Variants in TNN observed in about 807,000 individuals in gnomAD.
The protein encoded by TNN is tenascin-N.
TNN carries 122 observed loss-of-function variants against 134.4 expected under a neutral mutation model. The ratio of observed to expected loss-of-function variants is 0.91; its 90% CI spans 0.78 to 1.06. TNN has a LOEUF of 1.06. Ranked by LOEUF, TNN falls within the 50% of genes least tolerant of loss-of-function variation. The probability of loss-of-function intolerance (pLI) is 0.00; values close to 1 mark genes in which losing one functional copy is unlikely to be tolerated. For missense variants in TNN, 1,739 were observed against 1,699.4 expected, an observed-to-expected ratio of 1.02 and a Z score of -0.41; for synonymous variants, 710 against 670.3, an observed-to-expected ratio of 1.06 and a Z score of -0.91.
chr1:175,097,831 G>A (rs61827435), intron 8 of TNN, 148 bp downstream of exon 8: 87,585 of 1,146,500 alleles, frequency 0.076, 4,091 homozygotes, highest in Non-Finnish European at 0.093. Context: ...TGGTGATGGC[G>A]GTGGGCTGCT....
intron 12 of TNN, among the ~76,000 whole-genome samples, chr1:175,125,701 CTCTCTTTCTTTCTTTCTT>C (rs796642499): frequency 0.051 from 5,232 of 102,218 alleles, 299 homozygotes; most frequent in African/African-American, 0.092. Context: ...TCTCTTTTTT[CTCTCTTTCTTTCTTTCTT>C]TCTTTCTTTC....
chr1:175,077,579 C>T lies in TNN; in HGVS notation c.161C>T (p.Ala54Val), dbSNP rs140159046. The T allele has an allele frequency of 2.8e-5, 45 of 1,614,236 alleles. No homozygotes were observed. Among genetic ancestry groups the T allele is most frequent in the Non-Finnish European group, 3.5e-5 (41 of 1,180,048 alleles). Reference protein sequence around the residue: ...HTYKIDVPKSALVQVDADPQP... With the variant: ...HTYKIDVPKSVLVQVDADPQP... ...TACAAGATCGATGTGCCCAAGTCTG[C>T]CTTGGTTCAGGTTGACGCTGACCCT... The change falls in exon 2 of 19, where the codon GCC becomes GTC. Residue 54 changes from alanine (A) to valine (V), a missense_variant. Transcript: ENST00000239462.
intron 12 of TNN, among the ~76,000 whole-genome samples, chr1:175,125,909 C>G (rs1157336291): frequency 2.8e-5 from 4 of 144,056 alleles, no homozygotes; most frequent in African/African-American, 1.0e-4. Context: ...CTCTCCCGCT[C>G]TCTCTCTCTT....
At chr1:175,126,621 T>C (rs1301911045) in intron 12 of TNN, among the ~76,000 whole-genome samples, 1 of 152,078 alleles carries the variant, frequency 6.6e-6, no homozygotes, top group Non-Finnish European at 1.5e-5. Flanking sequence ...TCCACATCCT[T>C]TTGGGAGCCC....
chr1:175,099,518 T>G (rs142155586), intron 9 of TNN, among the ~76,000 whole-genome samples: 3 of 140,154 alleles, frequency 2.1e-5, no homozygotes, highest in Non-Finnish European at 3.1e-5. Context: ...AAGTGAGGGG[T>G]TGGGAAGAGG....
rs1011826195 is a variant in TNN at position 175,147,497 on chromosome 1, T to A, written c.*426T>A. Reference sequence around the variant, plus strand: ...GTTCTGATGACCCAGGGGTTAGGGCTGAGACAACCGGACGTTTGTCACCTC... The same window carrying A: ...GTTCTGATGACCCAGGGGTTAGGGCAGAGACAACCGGACGTTTGTCACCTC... On this transcript the variant is annotated 3_prime_UTR_variant, in exon 19 of 19. Transcript: ENST00000239462. The A allele has an allele frequency of 2.6e-5, 4 of 154,478 alleles. No homozygotes were observed. The highest frequency in any genetic ancestry group is 9.6e-5 in the African/African-American group (4 of 41,548). The allele number at this position is 154,478 out of a possible 1,614,324, so 9.6% of individuals were successfully genotyped here.
chr1:175,128,303 G>A (rs1359513653), intron 14 of TNN, 139 bp downstream of exon 14: 1 of 884,326 alleles, frequency 1.1e-6, no homozygotes, highest in Non-Finnish European at 1.7e-6. Flanking sequence ...ATGGGGTTGT[G>A]TGTTCAAAAG....
intron 7 of TNN, among the ~76,000 whole-genome samples, chr1:175,095,412 T>G (rs557236823): frequency 6.6e-6 from 1 of 152,340 alleles, no homozygotes; most frequent in African/African-American, 2.4e-5. Flanking sequence ...GGTGTGACTG[T>G]GTTCCGATAA....
At chr1:175,132,457 A>T (rs1311132705) in intron 15 of TNN, among the ~76,000 whole-genome samples, 2 of 152,246 alleles carry the variant, frequency 1.3e-5, no homozygotes, top group African/African-American at 4.8e-5. Context: ...GAGGGAAGCC[A>T]AGAAGGAAAT....
At chr1:175,098,771 T>C (rs894483745) in intron 9 of TNN, among the ~76,000 whole-genome samples, 176 bp downstream of exon 9, 1 of 152,182 alleles carries the variant, frequency 6.6e-6, no homozygotes, top group Admixed American at 6.5e-5. Context: ...AATGCCTAAG[T>C]GGTGGTCTCC....
In TNN at chr1:175,146,935, T is replaced by C. The variant is rs777263872; in HGVS notation, c.3764T>C (p.Val1255Ala). Residue 1255 changes from valine to alanine, a missense_variant, in exon 19 of 19, where the codon GTG (valine) becomes GCG (alanine). Coordinates refer to ENST00000239462, the MANE Select transcript of TNN (RefSeq NM_022093.2). ...RYGETKHSEG[V>A]NWEPWKGHEF... ...CTTTTTTTTTTTTTTTGGTAGGGGG[T>C]GAACTGGGAGCCTTGGAAAGGACAT... is the stretch of plus-strand genomic sequence containing the variant. 1.5e-6 allele frequency: 2 copies of C among 1,357,982 alleles called. No individual in the cohort carries two copies. The highest frequency in any genetic ancestry group is 2.7e-5 in the East Asian group (1 of 37,214). 84.1% of individuals were successfully genotyped at this position (1,357,982 alleles called of 1,614,324 possible). A position where few individuals can be genotyped will look rare whatever the true frequency, so the allele number is the denominator to read the frequency against.
At position 175,121,853 on chromosome 1, in the gene TNN, CT is replaced by C. The variant is rs1275802918; in HGVS notation, c.2651-1543del. ...AAAAGTTTGGGGAGAAGCATCAAGACTTTTAAATATTTAAGTTCAAGATACT... is the reference window on the plus strand; with the variant it reads ...AAAAGTTTGGGGAGAAGCATCAAGACTTTAAATATTTAAGTTCAAGATACT... On this transcript the variant is annotated intron_variant, in intron 11 of 18. Coordinates refer to ENST00000239462, the MANE Select transcript of TNN (RefSeq NM_022093.2). 2.6e-5 allele frequency among the ~76,000 whole-genome samples: 4 copies of C among 152,272 alleles called. No individual in the cohort carries two copies. The East Asian group carries it at 7.7e-4, about 29-fold the overall frequency.
Position 175,104,330 on chromosome 1 carries a change from G to A in TNN, c.2119+5735G>A, listed in dbSNP as rs776554401. ...GATGACATGAGCTGGTGCTTGCCCCGGGCACCCTCAGTCCTGTTGTTGGAT... is the reference window on the plus strand; with the variant it reads ...GATGACATGAGCTGGTGCTTGCCCCAGGCACCCTCAGTCCTGTTGTTGGAT... On this transcript the variant is annotated intron_variant, in intron 9 of 18. Coordinates refer to ENST00000239462, the MANE Select transcript of TNN (RefSeq NM_022093.2). Among the ~76,000 whole-genome samples the A allele has an allele frequency of 3.1e-4, 45 of 145,290 alleles. 3 individuals carry two copies. The highest frequency in any genetic ancestry group is 5.3e-4 in the Non-Finnish European group (35 of 65,540).
intron 12 of TNN, among the ~76,000 whole-genome samples, chr1:175,126,158 G>A (rs571477188): frequency 2.0e-5 from 3 of 147,066 alleles, no homozygotes; most frequent in Non-Finnish European, 4.5e-5. Context: ...CTGGAGTGCA[G>A]TGACGTGATC....
At chr1:175,130,762 C>T (rs1175309447) in intron 15 of TNN, among the ~76,000 whole-genome samples, 1 of 152,178 alleles carries the variant, frequency 6.6e-6, no homozygotes, top group Admixed American at 6.5e-5. Context: ...ACCAAACCAA[C>T]AGAAATCCCT....
Position 175,077,560 on chromosome 1 carries a change from A to AT in TNN, c.143dup (p.Asp49ArgfsTer11), listed in dbSNP as rs1384290604. 1 of 1,614,164 alleles carries AT rather than the reference A, an allele frequency of 6.2e-7. No homozygotes were observed. The highest frequency in any genetic ancestry group is 8.5e-7 in the Non-Finnish European group (1 of 1,180,034). ...GGTCACTGTCAGCCACACCTACAAG[A>AT]TCGATGTGCCCAAGTCTGCCTTGGT... On this transcript the variant is annotated frameshift_variant, in exon 2 of 19. Transcript: ENST00000239462. LOFTEE classifies it high-confidence loss of function.
intron 9 of TNN, among the ~76,000 whole-genome samples, chr1:175,110,350 C>T (rs1674988952): frequency 6.6e-6 from 1 of 152,192 alleles, no homozygotes; most frequent in African/African-American, 2.4e-5. Flanking sequence ...ATTTCCTTTG[C>T]TGTGCAAAAG....
Position 175,123,507 on chromosome 1 carries a change from A to G in TNN, c.2758A>G (p.Thr920Ala), listed in dbSNP as rs1333189089. 2 of 1,614,002 alleles carry G rather than the reference A, an allele frequency of 1.2e-6. No individual in the cohort carries two copies. Among genetic ancestry groups the G allele is most frequent in the East Asian group, 2.2e-5 (1 of 44,878 alleles). Residue 920 changes from threonine to alanine, a missense_variant, in exon 12 of 19, where the codon ACC becomes GCC. Thr to Ala is a moderately conservative substitution (Grantham distance 58, BLOSUM62 0). Transcript: ENST00000239462. ...CATTGACAAGTACATGGTGCGCTAC[A>G]CCTCTGCTGACGGAGAGACCAGGGA... ...ATIDKYMVRYTSADGETREVP... is the reference protein window; with the variant it reads ...ATIDKYMVRYASADGETREVP...
chr1:175,071,272 C>T (rs980364430), intron 1 of TNN, among the ~76,000 whole-genome samples: 7 of 151,302 alleles, frequency 4.6e-5, no homozygotes, highest in African/African-American at 1.7e-4. Context: ...TTTTTTTTTC[C>T]TGACCCAGGG....
Sources: gnomAD v4.1 joint callset for allele counts (sites outside exome capture counted in the v4.1 genomes callset) on GRCh38, gnomAD v4.1.1 for gene constraint, MANE v1.5 for transcripts, NCBI Gene and HGNC (gene_info 2026-07-23, HGNC 2026-07-21) for gene names.